MALRD1: variants seen among roughly 807,000 people sequenced by gnomAD.
MALRD1 encodes the protein MAM and LDL receptor class A domain containing 1.
A neutral mutation model predicts 242.1 loss-of-function variants in MALRD1; 247 were observed. The observed-to-expected ratio is 1.02, with a 90% confidence interval of 0.92 to 1.13. The LOEUF is 1.13. Among genes scored for constraint, MALRD1 ranks in the 50% most tolerant of loss-of-function variants. The probability of loss-of-function intolerance (pLI) is 0.00; values close to 1 mark genes in which losing one functional copy is unlikely to be tolerated. For synonymous variants in MALRD1, 995 were observed against 866.6 expected (o/e 1.15, Z -2.60); for missense variants, 2,989 against 2,533.1 (o/e 1.18, Z -3.86).
chr10:19,439,166 T>C (rs1372507543), intron 28 of MALRD1, among the ~76,000 whole-genome samples: 1 of 143,644 alleles, frequency 7.0e-6, no homozygotes, highest in Non-Finnish European at 1.5e-5. Context: ...AAAAATTACA[T>C]AAAATAGCCA....
intron 5 of MALRD1, among the ~76,000 whole-genome samples, chr10:19,120,625 G>A (rs1313355585): frequency 6.6e-6 from 1 of 152,164 alleles, no homozygotes; most frequent in Non-Finnish European, 1.5e-5. Flanking sequence ...GCCAGGGTAG[G>A]GGGAGAAGAG....
intron 36 of MALRD1, among the ~76,000 whole-genome samples, chr10:19,670,643 A>G (rs1026892837): frequency 2.6e-5 from 4 of 152,146 alleles, no homozygotes; most frequent in African/African-American, 4.8e-5. Context: ...GCTGTTTCCA[A>G]CTTGGTCCTC....
chr10:19,454,724 A>ACACG (rs1554775429), intron 29 of MALRD1, among the ~76,000 whole-genome samples: 1 of 136,422 alleles, frequency 7.3e-6, no homozygotes, highest in Non-Finnish European at 1.6e-5. Flanking sequence ...ACACACACAC[A>ACACG]CACACACACA....
At position 19,347,296 on chromosome 10, in the gene MALRD1, A is replaced by T. The variant is rs140909912; in HGVS notation, c.3902-475A>T. ...CTCATTCAAATTATCACACCTTTTT[A>T]CCTCACTTTTCTGTTTCACAATTTT... is the stretch of plus-strand genomic sequence containing the variant. On this transcript the variant is annotated intron_variant, in intron 24 of 39. Coordinates refer to ENST00000454679, the MANE Select transcript of MALRD1 (RefSeq NM_001142308.3). Among the ~76,000 whole-genome samples the T allele has an allele frequency of 2.4e-4, 36 of 152,290 alleles. 1 individual carries two copies. In the East Asian group the frequency reaches 6.2e-3, roughly 26 times the overall value.
chr10:19,554,950 G>A (rs867786436), intron 32 of MALRD1, among the ~76,000 whole-genome samples: 2 of 152,052 alleles, frequency 1.3e-5, no homozygotes, highest in Non-Finnish European at 2.9e-5. Flanking sequence ...TCTGGTTCTG[G>A]ATCTTTGAGG....
At chr10:19,059,210 G>A (rs767880077) in intron 1 of MALRD1, among the ~76,000 whole-genome samples, 2 of 152,020 alleles carry the variant, frequency 1.3e-5, no homozygotes, top group African/African-American at 2.4e-5. Flanking sequence ...ATGAAATATT[G>A]TTATGAGAAA....
intron 12 of MALRD1, among the ~76,000 whole-genome samples, chr10:19,162,786 A>C (rs1398721279): frequency 6.6e-6 from 1 of 152,102 alleles, no homozygotes; most frequent in Non-Finnish European, 1.5e-5. Flanking sequence ...CAGAGCTACT[A>C]TTCCACCCAG....
Position 19,254,719 on chromosome 10 carries a change from T to C in MALRD1, c.2992-2965T>C, listed in dbSNP as rs563795472. Among the ~76,000 whole-genome samples the C allele has an allele frequency of 4.6e-5, 7 of 152,060 alleles. No individual in the cohort carries two copies. In the South Asian group the frequency reaches 1.5e-3, roughly 32 times the overall value. On this transcript the variant is annotated intron_variant, in intron 18 of 39. Coordinates refer to ENST00000454679, the MANE Select transcript of MALRD1 (RefSeq NM_001142308.3). ...AATTCTTATTTAAAGTTTATAAATT[T>C]ATAATATATCTGAAAATACATTATA...
intron 4 of MALRD1, among the ~76,000 whole-genome samples, chr10:19,103,241 A>G (rs1564393080): frequency 6.6e-6 from 1 of 152,136 alleles, no homozygotes; most frequent in South Asian, 2.1e-4. Context: ...TAGCATGAGG[A>G]TGACATCTAA....
intron 2 of MALRD1, among the ~76,000 whole-genome samples, chr10:19,075,574 A>G (rs1226114001): frequency 1.3e-5 from 2 of 152,080 alleles, no homozygotes; most frequent in South Asian, 4.1e-4. Flanking sequence ...GCAAAGACGC[A>G]GGGATCTCAG....
chr10:19,462,991 T>G (rs923449963), intron 29 of MALRD1, among the ~76,000 whole-genome samples: 2 of 152,140 alleles, frequency 1.3e-5, no homozygotes, highest in Non-Finnish European at 2.9e-5. Flanking sequence ...ATACTTACAA[T>G]GAATTAACCA....
chr10:19,262,107 G>A (rs11009170), intron 19 of MALRD1, among the ~76,000 whole-genome samples: 12,812 of 151,840 alleles, frequency 0.084, 723 homozygotes, highest in African/African-American at 0.16. Flanking sequence ...TCTGAGCTAT[G>A]GCTTTTTTCT....
rs80278031 is a variant in MALRD1, at chr10:19,164,262, A to G, written c.1657-1375A>G. Among the ~76,000 whole-genome samples, 2,435 of 152,252 alleles carry G rather than the reference A, an allele frequency of 0.016. 104 individuals are homozygous for G. In the East Asian group the frequency reaches 0.18, roughly 11 times the overall value. On this transcript the variant is annotated intron_variant, in intron 12 of 39. Coordinates refer to ENST00000454679, the MANE Select transcript of MALRD1 (RefSeq NM_001142308.3). ...TACCAAATAGAATGCTTGGTGTTTT[A>G]AAATGAACAATTTTTTTAAAAAAGC...
intron 38 of MALRD1, among the ~76,000 whole-genome samples, chr10:19,727,612 A>T (rs75668722): frequency 6.6e-6 from 1 of 152,066 alleles, no homozygotes; most frequent in South Asian, 2.1e-4. Flanking sequence ...CCTCTACTCA[A>T]AATTTCTAAG....
Position 19,348,079 on chromosome 10 carries a change from A to T in MALRD1, c.4149+61A>T, listed in dbSNP as rs572234840. 8.7e-6 allele frequency: 13 copies of T among 1,498,306 alleles called. No individual in the cohort carries two copies. In the South Asian group the frequency reaches 1.5e-4, roughly 17 times the overall value. 92.8% of individuals were successfully genotyped at this position (1,498,306 alleles called of 1,614,324 possible). ...ACAGAATTATTGTGAGCAAGTTTATAAATTGACATACGGAAAACAGAGTGG... is the reference window on the plus strand; with the variant it reads ...ACAGAATTATTGTGAGCAAGTTTATTAATTGACATACGGAAAACAGAGTGG... On this transcript the variant is annotated intron_variant, in intron 25 of 39. Transcript: ENST00000454679.
intron 36 of MALRD1, among the ~76,000 whole-genome samples, chr10:19,622,403 T>C (rs1039342976): frequency 6.6e-6 from 1 of 151,450 alleles, no homozygotes; most frequent in Admixed American, 6.6e-5. Context: ...ATATTAGAAA[T>C]ACATTTAATA....
rs146452510 is a variant in MALRD1 at position 19,271,749 on chromosome 10, C to T, written c.3080-8298C>T. On this transcript the variant is annotated intron_variant, in intron 19 of 39. Coordinates refer to ENST00000454679, the MANE Select transcript of MALRD1 (RefSeq NM_001142308.3). ...CTGCACTCCATCCTGGGCAACAGAG[C>T]GAGATTCTGTCTCAAAAAAATATAA... Among the ~76,000 whole-genome samples the T allele has an allele frequency of 1.7e-3, 263 of 152,158 alleles. 1 individual carries two copies. Among genetic ancestry groups the T allele is most frequent in the African/African-American group, 5.6e-3 (233 of 41,500 alleles).
chr10:19,273,291 A>G (rs890305242), intron 19 of MALRD1, among the ~76,000 whole-genome samples: 2 of 152,222 alleles, frequency 1.3e-5, no homozygotes, highest in African/African-American at 2.4e-5. Flanking sequence ...CATTGCTGGT[A>G]GAAATACCAA....
intron 36 of MALRD1, among the ~76,000 whole-genome samples, chr10:19,656,312 C>G (rs1337407809): frequency 1.3e-5 from 2 of 152,028 alleles, no homozygotes. Context: ...TATGAAAGTT[C>G]AATTATTTTA....
Sources: allele counts gnomAD v4.1 joint callset (sites outside exome capture counted in the v4.1 genomes callset), GRCh38; gene constraint gnomAD v4.1.1; transcripts MANE v1.5; gene names NCBI Gene and HGNC (gene_info 2026-07-23, HGNC 2026-07-21).